Variants in BACH2 observed in about 807,000 individuals in gnomAD.
The protein encoded by BACH2 is transcription regulator protein BACH2.
A neutral mutation model predicts 61.8 loss-of-function variants in BACH2; 5 were observed. The observed-to-expected ratio is 0.08, with a 90% CI of 0.04 to 0.17. The LOEUF (loss-of-function observed/expected upper bound fraction) is 0.17, where lower values mean the gene tolerates loss of function less well. Among genes scored for constraint, BACH2 ranks in the 10% least tolerant of loss-of-function variants. The probability of loss-of-function intolerance (pLI) is 1.00; values close to 1 mark genes in which losing one functional copy is unlikely to be tolerated. For missense variants in BACH2, 824 were observed against 1,091.1 expected, an observed-to-expected ratio of 0.76 and a Z score of 3.45; for synonymous variants, 446 against 440.1, an observed-to-expected ratio of 1.01 and a Z score of -0.17.
Position 89,959,364 on chromosome 6 carries a change from T to C in BACH2, c.244-7502A>G, listed in dbSNP as rs143510310. Among the ~76,000 whole-genome samples the C allele has an allele frequency of 3.4e-3, 518 of 152,256 alleles. 1 individual carries two copies. Among genetic ancestry groups the C allele is most frequent in the African/African-American group, 0.011 (471 of 41,550 alleles). ...CTCGAATCCCCATGATAGAGAGTCA[T>C]GACTTGAATCAGTTAACAGACTCAG... On this transcript the variant is annotated intron_variant, in intron 6 of 8. Transcript: ENST00000257749.
At chr6:90,261,948 A>T (rs1771172826) in intron 2 of BACH2, among the ~76,000 whole-genome samples, 1 of 152,110 alleles carries the variant, frequency 6.6e-6, no homozygotes, top group South Asian at 2.1e-4. Context: ...CTTCTGTAGG[A>T]GCAGAGTGAC....
chr6:89,981,781 C>T (rs1775972952), intron 6 of BACH2, among the ~76,000 whole-genome samples: 2 of 152,130 alleles, frequency 1.3e-5, no homozygotes, highest in Non-Finnish European at 2.9e-5. Context: ...TTGAGCCTTT[C>T]TTGTAAGGAG....
At chr6:89,996,992 C>A (rs1776881865) in intron 6 of BACH2, among the ~76,000 whole-genome samples, 1 of 115,470 alleles carries the variant, frequency 8.7e-6, no homozygotes, top group South Asian at 3.1e-4. Flanking sequence ...CTGGTTTAAG[C>A]ACATGCACAC....
rs1772499045 is a variant in BACH2 at position 89,929,056 on chromosome 6, A to G, written c.*3352T>C. ...CACAAGCAGGACAAAGGCAGATCCA[A>G]GGGGAGGACTGGATTTAGGTGGGAT... On this transcript the variant is annotated 3_prime_UTR_variant, in exon 9 of 9. Transcript: ENST00000257749. 6.6e-6 allele frequency: 1 copy of G among 152,094 alleles called. No individual in the cohort carries two copies. The highest frequency in any genetic ancestry group is 6.6e-5 in the Admixed American group (1 of 15,190). The allele number at this position is 152,094 out of a possible 1,614,324, so 9.4% of individuals were successfully genotyped here.
At chr6:90,195,825 A>C (rs750190535) in intron 4 of BACH2, among the ~76,000 whole-genome samples, 1 of 152,168 alleles carries the variant, frequency 6.6e-6, no homozygotes, top group Non-Finnish European at 1.5e-5. Flanking sequence ...TATCTTTTTA[A>C]TTGCTTTTTC....
At chr6:90,085,252 A>G (rs925386186) in intron 5 of BACH2, among the ~76,000 whole-genome samples, 2 of 152,186 alleles carry the variant, frequency 1.3e-5, no homozygotes, top group Non-Finnish European at 2.9e-5. Flanking sequence ...CGGGAGAACT[A>G]TCTGCTGTGG....
intron 4 of BACH2, among the ~76,000 whole-genome samples, chr6:90,148,803 A>G (rs568458563): frequency 1.3e-5 from 2 of 152,296 alleles, no homozygotes; most frequent in South Asian, 4.1e-4. Context: ...TTTTGAAAAC[A>G]TCTTTTATAA....
At chr6:90,147,458 A>G (rs1483219755) in intron 4 of BACH2, among the ~76,000 whole-genome samples, 2 of 152,306 alleles carry the variant, frequency 1.3e-5, no homozygotes, top group East Asian at 3.9e-4. Flanking sequence ...GTACACTTGG[A>G]GAGCCGTTCC....
intron 5 of BACH2, among the ~76,000 whole-genome samples, chr6:90,054,636 A>G (rs1203587623): frequency 1.5e-4 from 23 of 152,220 alleles, no homozygotes; most frequent in Admixed American, 1.5e-3. Flanking sequence ...TGGTTCTCCC[A>G]GCACACAGCT....
intron 5 of BACH2, among the ~76,000 whole-genome samples, chr6:90,053,734 T>G (rs753342750): frequency 6.6e-6 from 1 of 152,244 alleles, no homozygotes; most frequent in Admixed American, 6.5e-5. Flanking sequence ...CTCAGAACTT[T>G]GAAAATATTT....
At chr6:90,156,836 C>T (rs1365164342) in intron 4 of BACH2, among the ~76,000 whole-genome samples, 1 of 152,110 alleles carries the variant, frequency 6.6e-6, no homozygotes, top group East Asian at 1.9e-4. Flanking sequence ...AATACATGCA[C>T]CAAAACCCAA....
intron 3 of BACH2, among the ~76,000 whole-genome samples, chr6:90,225,482 G>C (rs1769882388): frequency 1.3e-5 from 2 of 152,126 alleles, no homozygotes; most frequent in African/African-American, 2.4e-5. Flanking sequence ...TTGTTGTAAG[G>C]TAACAGGTGA....
chr6:90,204,587 G>A (rs937067073), intron 4 of BACH2, among the ~76,000 whole-genome samples: 1 of 152,186 alleles, frequency 6.6e-6, no homozygotes, highest in Non-Finnish European at 1.5e-5. Context: ...GAGGAGTCTG[G>A]TTCCCAGCTG....
At chr6:90,160,529 T>C (rs993504678) in intron 4 of BACH2, among the ~76,000 whole-genome samples, 1 of 152,234 alleles carries the variant, frequency 6.6e-6, no homozygotes. Context: ...CGTACAAAAA[T>C]AGTTTTATTT....
chr6:90,027,975 G>C (rs1240883689), intron 5 of BACH2, among the ~76,000 whole-genome samples: 1 of 152,098 alleles, frequency 6.6e-6, no homozygotes, highest in African/African-American at 2.4e-5. Context: ...GTATATTTTT[G>C]TTTGCCAGAT....
chr6:90,009,826 A>G (rs1183564214), intron 5 of BACH2, among the ~76,000 whole-genome samples: 1 of 152,034 alleles, frequency 6.6e-6, no homozygotes, highest in Admixed American at 6.6e-5. Flanking sequence ...CACCGTGCCT[A>G]ACTAATTTTT....
intron 2 of BACH2, among the ~76,000 whole-genome samples, chr6:90,266,627 T>C (rs568413990): frequency 6.6e-6 from 1 of 152,276 alleles, no homozygotes; most frequent in East Asian, 1.9e-4. Context: ...TCAAAAATGT[T>C]ATGCTAAATG....
intron 4 of BACH2, among the ~76,000 whole-genome samples, chr6:90,107,663 ATTTTTT>A (rs35319113): frequency 7.4e-6 from 1 of 134,740 alleles, no homozygotes; most frequent in Admixed American, 7.3e-5. Context: ...TCTATTTGTG[ATTTTTT>A]TTTTTTTTTT....
chr6:89,995,028 G>A (rs913515087), intron 6 of BACH2, among the ~76,000 whole-genome samples: 1 of 151,912 alleles, frequency 6.6e-6, no homozygotes, highest in African/African-American at 2.4e-5. Context: ...CAACTACTTG[G>A]GTCATATTTG....
Sources: gnomAD v4.1 joint callset for allele counts (sites outside exome capture counted in the v4.1 genomes callset) on GRCh38, gnomAD v4.1.1 for gene constraint, MANE v1.5 for transcripts, NCBI Gene and HGNC (gene_info 2026-07-23, HGNC 2026-07-21) for gene names.